Variants in NUF2 observed in about 807,000 individuals in gnomAD.
NUF2 encodes the protein NUF2 component of NDC80 kinetochore complex, also known as kinetochore protein Nuf2.
NUF2 carries 34 observed loss-of-function variants against 61.8 expected under a neutral mutation model. That is an observed-to-expected ratio of 0.55 (90% confidence interval 0.42 to 0.73). The LOEUF is 0.73. NUF2 is among the 30% of genes least tolerant of loss of function. The pLI is 0.00. For missense variants in NUF2, 445 were observed against 539.1 expected, an observed-to-expected ratio of 0.83 and a Z score of 1.73; for synonymous variants, 172 against 181.6, an observed-to-expected ratio of 0.95 and a Z score of 0.42.
At chr1:163,349,197 A>C in intron 13 of NUF2, 117 bp downstream of exon 13, 1 of 767,524 alleles carries the variant, frequency 1.3e-6, no homozygotes, top group Non-Finnish European at 2.1e-6. Flanking sequence ...TGATACCTAA[A>C]ATTATTTACT....
At chr1:163,346,908 A>G (rs185387285) in intron 11 of NUF2, among the ~76,000 whole-genome samples, 1 of 152,304 alleles carries the variant, frequency 6.6e-6, no homozygotes, top group African/African-American at 2.4e-5. Context: ...GCAAGATTTA[A>G]TCACACTACT....
chr1:163,321,982 T>C lies in NUF2; in HGVS notation c.-251T>C, dbSNP rs752485661. ...AGGAGGCGGCAAGTTTGAAAAGTGA[T>C]GACGGTTGACGTTTGCTGATTTTTG... is the stretch of plus-strand genomic sequence containing the variant. On this transcript the variant is annotated 5_prime_UTR_variant, in exon 1 of 14. The change abolishes an upstream ATG in the 5' untranslated region. Transcript: ENST00000271452. 2.0e-5 allele frequency: 3 copies of C among 152,254 alleles called. No homozygotes were observed. The highest frequency in any genetic ancestry group is 4.4e-5 in the Non-Finnish European group (3 of 68,084). 9.4% of individuals were successfully genotyped at this position (152,254 alleles called of 1,614,324 possible).
intron 13 of NUF2, among the ~76,000 whole-genome samples, chr1:163,354,190 G>C (rs1181818219): frequency 1.3e-5 from 2 of 151,924 alleles, no homozygotes; most frequent in East Asian, 3.9e-4. Context: ...CAAAAATTTT[G>C]ATTTATTTTC....
At chr1:163,347,436 T>G (rs746827634) in intron 11 of NUF2, among the ~76,000 whole-genome samples, 1 of 152,204 alleles carries the variant, frequency 6.6e-6, no homozygotes, top group South Asian at 2.1e-4. Flanking sequence ...TTCTAGCACC[T>G]ACCCTTTTCC....
chr1:163,326,244 G>T (rs1650414032), intron 2 of NUF2, 70 bp downstream of exon 2: 5 of 1,487,048 alleles, frequency 3.4e-6, no homozygotes, highest in Non-Finnish European at 4.6e-6. Flanking sequence ...GGTCTATTGT[G>T]TGGCAAGAAA....
intron 5 of NUF2, among the ~76,000 whole-genome samples, chr1:163,330,045 A>G (rs1650545888): frequency 1.3e-5 from 2 of 152,132 alleles, no homozygotes; most frequent in African/African-American, 4.8e-5. Flanking sequence ...TGAGGGAGGG[A>G]TGAATAGGAT....
Position 163,348,861 on chromosome 1 carries a change from C to T in NUF2, c.1125-84C>T, listed in dbSNP as rs573217379. ...GGTTTGTCAAATACTGACACATGGT[C>T]ACTTTGGAATCAAAACTAGAATTGT... On this transcript the variant is annotated intron_variant, in intron 12 of 13. Transcript: ENST00000271452. 130 of 1,437,270 alleles carry T rather than the reference C, an allele frequency of 9.0e-5. 1 individual carries two copies. Among genetic ancestry groups the T allele is most frequent in the African/African-American group, 1.1e-4 (8 of 69,682 alleles). The allele number at this position is 1,437,270 out of a possible 1,614,324, so 89.0% of individuals were successfully genotyped here. A position where few individuals can be genotyped will look rare whatever the true frequency, so the allele number is the denominator to read the frequency against.
At chr1:163,338,164 C>T in intron 7 of NUF2, 71 bp downstream of exon 7, 1 of 1,130,010 alleles carries the variant, frequency 8.8e-7, no homozygotes, top group South Asian at 1.3e-5. Context: ...TAGTATTTTA[C>T]AACCCTATAT....
chr1:163,324,458 C>T (rs2101662895), intron 1 of NUF2, among the ~76,000 whole-genome samples: 1 of 152,244 alleles, frequency 6.6e-6, no homozygotes, highest in South Asian at 2.1e-4. Context: ...GAATTGCTTC[C>T]ATTTATTAGA....
chr1:163,346,205 T>G (rs1391503165), intron 11 of NUF2: 1 of 151,954 alleles, frequency 6.6e-6, no homozygotes. Flanking sequence ...ATGATAAAGT[T>G]TAATTTAAAA....
At chr1:163,328,343 G>A (rs746409321) in intron 4 of NUF2, 39 bp downstream of exon 4, 14 of 1,244,798 alleles carry the variant, frequency 1.1e-5, no homozygotes, top group South Asian at 3.9e-5. Context: ...GTCTACATTC[G>A]TATTTATATT....
chr1:163,327,229 G>C (rs1650454997), intron 2 of NUF2, among the ~76,000 whole-genome samples: 1 of 152,010 alleles, frequency 6.6e-6, no homozygotes. Context: ...AAGGTGGATG[G>C]GTTGCTTGGA....
chr1:163,328,993 A>AAG (rs1553230863), intron 5 of NUF2, 86 bp downstream of exon 5: 1 of 675,754 alleles, frequency 1.5e-6, no homozygotes, highest in Non-Finnish European at 2.4e-6. Flanking sequence ...AAAAAAAAAA[A>AAG]GGAAAAAAAC....
chr1:163,344,842 T>C (rs1651068545), intron 10 of NUF2, among the ~76,000 whole-genome samples: 1 of 151,970 alleles, frequency 6.6e-6, no homozygotes. Context: ...AAAAGGATGA[T>C]TTATTTAAGA....
Position 163,347,942 on chromosome 1 carries a change from T to G in NUF2, c.1124+4T>G. 1.3e-6 allele frequency: 2 copies of G among 1,489,830 alleles called. No homozygotes were observed. The highest frequency in any genetic ancestry group is 1.8e-6 in the Non-Finnish European group (2 of 1,116,680). The allele number at this position is 1,489,830 out of a possible 1,614,324, so 92.3% of individuals were successfully genotyped here. Reference sequence around the variant, plus strand: ...AATACAAACGCACAGTAATTGAGTATGGAGTTGTTTTCAATTTTAGTGTAT... The same window carrying G: ...AATACAAACGCACAGTAATTGAGTAGGGAGTTGTTTTCAATTTTAGTGTAT... On this transcript the variant is annotated splice_donor_region_variant and intron_variant, in intron 12 of 13. Transcript: ENST00000271452.
Position 163,336,844 on chromosome 1 carries a change from A to G in NUF2, c.431A>G (p.Gln144Arg). The part of the protein sequence containing the change: ...CRETYMEFLW[Q>R]YKSSADKMQQ... ...GAAACGTATATGGAATTTCTTTGGC[A>G]ATATGTAAGATTTAAATATGTTTTG... The change falls in exon 6 of 14, where the codon CAA becomes CGA. Residue 144 changes from glutamine (Q) to arginine (R), a missense_variant. By Grantham distance (43) the Gln-to-Arg change is conservative. Coordinates refer to ENST00000271452, the MANE Select transcript of NUF2 (RefSeq NM_145697.3). The G allele has an allele frequency of 1.3e-6, 2 of 1,591,844 alleles. No homozygotes were observed. Among genetic ancestry groups the G allele is most frequent in the Non-Finnish European group, 8.6e-7 (1 of 1,159,998 alleles).
intron 5 of NUF2, among the ~76,000 whole-genome samples, chr1:163,333,528 T>G (rs1186123847): frequency 6.6e-6 from 1 of 151,896 alleles, no homozygotes; most frequent in Non-Finnish European, 1.5e-5. Flanking sequence ...ATAAATTTTA[T>G]TTTATATAAT....
At chr1:163,344,942 T>C (rs953377203) in intron 10 of NUF2, among the ~76,000 whole-genome samples, 1 of 152,164 alleles carries the variant, frequency 6.6e-6, no homozygotes, top group African/African-American at 2.4e-5. Context: ...TTTGTATGTA[T>C]TGAAAATTTA....
chr1:163,341,641 T>A (rs148905171), intron 9 of NUF2, among the ~76,000 whole-genome samples: 3,155 of 152,214 alleles, frequency 0.021, 57 homozygotes, highest in East Asian at 0.076. Context: ...TTATTTATTT[T>A]TTGAGATGGA....
Sources: allele counts gnomAD v4.1 joint callset (sites outside exome capture counted in the v4.1 genomes callset), GRCh38; gene constraint gnomAD v4.1.1; transcripts MANE v1.5; gene names NCBI Gene and HGNC (gene_info 2026-07-23, HGNC 2026-07-21).